The following APLP2 variants were observed in gnomAD, a reference collection of about 807,000 sequenced individuals.
APLP2 encodes CDEI box-binding protein.
In APLP2, 53 loss-of-function variants were observed where a neutral mutation model predicts 89.9. The ratio of observed to expected loss-of-function variants is 0.59; its 90% CI spans 0.47 to 0.74. The LOEUF (loss-of-function observed/expected upper bound fraction) is 0.74, where lower values mean the gene tolerates loss of function less well. APLP2 is among the 30% of genes least tolerant of loss of function. APLP2 has a pLI of 0.00. For synonymous variants in APLP2, 372 were observed against 348.6 expected, an observed-to-expected ratio of 1.07 and a Z score of -0.75; for missense variants, 973 against 975.9, an observed-to-expected ratio of 1.00 and a Z score of 0.04.
intron 1 of APLP2, among the ~76,000 whole-genome samples, chr11:130,090,038 T>C (rs962009367): frequency 6.6e-6 from 1 of 152,204 alleles, no homozygotes; most frequent in Non-Finnish European, 1.5e-5. Context: ...GGCTAGTGTG[T>C]TGACTGACAT....
chr11:130,083,021 C>CTTTTTTTTTTTTTTTTTTT (rs1469566240), intron 1 of APLP2, among the ~76,000 whole-genome samples: 3 of 79,980 alleles, frequency 3.8e-5, no homozygotes, highest in African/African-American at 1.0e-4. Context: ...TGAAACTTTT[C>CTTTTTTTTTTTTTTTTTTT]TTTTCTTTTT....
intron 11 of APLP2, 33 bp downstream of exon 11, chr11:130,130,199 A>C: frequency 6.2e-7 from 1 of 1,614,172 alleles, no homozygotes; most frequent in Non-Finnish European, 8.5e-7. Flanking sequence ...TGCTGCCGTG[A>C]GGGCATTTCC....
chr11:130,111,023 CT>C (rs1347764270), intron 3 of APLP2, among the ~76,000 whole-genome samples: 1 of 152,166 alleles, frequency 6.6e-6, no homozygotes, highest in Admixed American at 6.5e-5. Context: ...GTTTCCCTTA[CT>C]TTCATCCCAC....
chr11:130,084,369 G>A (rs924847737), intron 1 of APLP2, among the ~76,000 whole-genome samples: 1 of 152,160 alleles, frequency 6.6e-6, no homozygotes, highest in African/African-American at 2.4e-5. Context: ...TGCATCCCAG[G>A]GATAAATCCC....
chr11:130,113,941 C>T (rs1203086499), intron 3 of APLP2, among the ~76,000 whole-genome samples: 1 of 152,110 alleles, frequency 6.6e-6, no homozygotes, highest in African/African-American at 2.4e-5. Context: ...TTCCCAGTAC[C>T]CCTCACACAC....
At chr11:130,070,685 G>A in intron 1 of APLP2, 4 of 1,477,826 alleles carry the variant, frequency 2.7e-6, no homozygotes, top group Non-Finnish European at 3.6e-6. Flanking sequence ...GCCGGGTCGC[G>A]GACGCGCATT....
chr11:130,130,402 A>AT (rs1471326278), intron 11 of APLP2, among the ~76,000 whole-genome samples: 1 of 152,150 alleles, frequency 6.6e-6, no homozygotes, highest in Admixed American at 6.5e-5. Context: ...CAATTTCTGA[A>AT]TTTTTTATAT....
chr11:130,136,536 C>T (rs1951634728), intron 13 of APLP2, among the ~76,000 whole-genome samples: 1 of 152,124 alleles, frequency 6.6e-6, no homozygotes, highest in South Asian at 2.1e-4. Context: ...CCAAGCTGAT[C>T]TGGTCCTGCA....
intron 1 of APLP2, among the ~76,000 whole-genome samples, chr11:130,088,753 A>G (rs566196760): frequency 6.6e-6 from 1 of 151,964 alleles, no homozygotes; most frequent in Admixed American, 6.6e-5. Context: ...TTTTCTTTTG[A>G]TATTTGTTCA....
intron 3 of APLP2, among the ~76,000 whole-genome samples, chr11:130,113,683 A>AC: frequency 6.6e-6 from 1 of 152,264 alleles, no homozygotes; most frequent in South Asian, 2.1e-4. Flanking sequence ...CCCAGGCAGA[A>AC]CTGACATCAT....
chr11:130,136,664 T>C (rs1453309328), intron 13 of APLP2, among the ~76,000 whole-genome samples: 1 of 152,158 alleles, frequency 6.6e-6, no homozygotes, highest in African/African-American at 2.4e-5. Flanking sequence ...AAATGCTTTC[T>C]AAACTAGCGA....
Position 130,089,406 on chromosome 11 carries a change from C to T in APLP2, c.105+19324C>T, listed in dbSNP as rs571304497. ...TCAGCCCCTCATCCTCCGTAGCTGT[C>T]GCTCTCCTGTGCCAAGTCCGTGCAT... On this transcript the variant is annotated intron_variant, in intron 1 of 16. Transcript: ENST00000338167. Among the ~76,000 whole-genome samples, 7 of 152,330 alleles carry T rather than the reference C, an allele frequency of 4.6e-5. No individual in the cohort carries two copies. The South Asian group carries it at 1.0e-3, about 23-fold the overall frequency.
chr11:130,117,030 C>T (rs1949267894), intron 3 of APLP2, among the ~76,000 whole-genome samples: 1 of 151,946 alleles, frequency 6.6e-6, no homozygotes, highest in Non-Finnish European at 1.5e-5. Flanking sequence ...ACTCAGGAGG[C>T]TGAAGCAGAA....
chr11:130,087,171 G>A (rs1944236516), intron 1 of APLP2, among the ~76,000 whole-genome samples: 1 of 152,166 alleles, frequency 6.6e-6, no homozygotes, highest in Admixed American at 6.5e-5. Flanking sequence ...TTGAGTGTAA[G>A]GTGTTTGGTG....
intron 1 of APLP2, among the ~76,000 whole-genome samples, chr11:130,093,010 G>C (rs544572035): frequency 6.6e-6 from 1 of 152,268 alleles, no homozygotes; most frequent in Admixed American, 6.5e-5. Flanking sequence ...CTAAATGTGA[G>C]CATTTAGCCC....
intron 3 of APLP2, among the ~76,000 whole-genome samples, chr11:130,117,343 C>T (rs1309402392): frequency 6.6e-6 from 1 of 152,190 alleles, no homozygotes; most frequent in Admixed American, 6.5e-5. Flanking sequence ...TGAAATATTA[C>T]ACCAAGCATC....
chr11:130,125,835 TGA>T (rs780305509), intron 7 of APLP2, among the ~76,000 whole-genome samples: 3 of 152,212 alleles, frequency 2.0e-5, no homozygotes, highest in Admixed American at 6.5e-5. Flanking sequence ...AGGTATGTCT[TGA>T]GAGGCTGACT....
At chr11:130,117,186 T>C (rs1185954354) in intron 3 of APLP2, among the ~76,000 whole-genome samples, 6 of 152,220 alleles carry the variant, frequency 3.9e-5, no homozygotes, top group Admixed American at 3.9e-4. Flanking sequence ...GTGGTGTTCT[T>C]TTTTGATTTT....
intron 1 of APLP2, among the ~76,000 whole-genome samples, chr11:130,084,225 G>A (rs547310193): frequency 1.3e-4 from 19 of 151,270 alleles, no homozygotes; most frequent in South Asian, 4.2e-4. Flanking sequence ...CAGCCTGGGC[G>A]ATAGAGCGAG....
Sources: gnomAD v4.1 joint callset for allele counts (sites outside exome capture counted in the v4.1 genomes callset) on GRCh38, gnomAD v4.1.1 for gene constraint, MANE v1.5 for transcripts, NCBI Gene and HGNC (gene_info 2026-07-23, HGNC 2026-07-21) for gene names.